Variants in STYX observed in about 807,000 individuals in gnomAD.
The protein encoded by STYX is serine/threonine/tyrosine-interacting protein.
A neutral mutation model predicts 42.7 loss-of-function variants in STYX; 20 were observed. The ratio of observed to expected loss-of-function variants is 0.47; its 90% confidence interval spans 0.33 to 0.68. The LOEUF is 0.68. Among genes scored for constraint, STYX ranks in the 30% least tolerant of loss-of-function variants. The pLI, the probability that STYX is intolerant of heterozygous loss-of-function variation, is 0.02. For missense variants in STYX, 226 were observed against 268.5 expected (o/e 0.84, Z 1.11); for synonymous variants, 78 against 81.9 (o/e 0.95, Z 0.26).
At position 52,730,377 on chromosome 14, in the gene STYX, C is replaced by T; in HGVS notation, c.-98C>T. 7.7e-7 allele frequency: 1 copy of T among 1,299,734 alleles called. No individual in the cohort carries two copies. Among genetic ancestry groups the T allele is most frequent in the East Asian group, 2.5e-5 (1 of 40,704 alleles). 80.5% of individuals were successfully genotyped at this position (1,299,734 alleles called of 1,614,324 possible). A position where few individuals can be genotyped will look rare whatever the true frequency, so the allele number is the denominator to read the frequency against. On this transcript the variant is annotated 5_prime_UTR_variant, in exon 1 of 11. Transcript: ENST00000354586. Reference sequence around the variant, plus strand: ...GCCGCCCTCCTGTCAGCCCTCCGCTCCGCCGGCCCTCCTTCCTTCCGCCGC... The same window carrying T: ...GCCGCCCTCCTGTCAGCCCTCCGCTTCGCCGGCCCTCCTTCCTTCCGCCGC...
At chr14:52,758,763 A>C (rs563642136) in intron 8 of STYX, among the ~76,000 whole-genome samples, 3 of 152,094 alleles carry the variant, frequency 2.0e-5, no homozygotes, top group Admixed American at 2.0e-4. Flanking sequence ...TTTATTAGAG[A>C]TGGGGTTTCA....
chr14:52,737,171 G>A (rs1305363413), intron 1 of STYX, among the ~76,000 whole-genome samples: 2 of 152,092 alleles, frequency 1.3e-5, no homozygotes, highest in African/African-American at 4.8e-5. Flanking sequence ...GTGGATAAGG[G>A]GGGACTACTG....
At chr14:52,757,594 C>G in intron 6 of STYX, 149 bp from the exon 7 acceptor site, 4 of 800,276 alleles carry the variant, frequency 5.0e-6, no homozygotes, top group Non-Finnish European at 8.0e-6. Context: ...CTGCTATATT[C>G]TCTACACAGT....
At chr14:52,762,155 C>T (rs547972978) in intron 9 of STYX, among the ~76,000 whole-genome samples, 21 of 150,616 alleles carry the variant, frequency 1.4e-4, no homozygotes, top group Non-Finnish European at 2.2e-4. Context: ...GCTGGAATTA[C>T]AGGCGTGAGC....
chr14:52,757,347 A>G lies in STYX; in HGVS notation c.332A>G (p.Gln111Arg), dbSNP rs1397131793. The G allele has an allele frequency of 6.8e-6, 11 of 1,606,274 alleles. No homozygotes were observed. The highest frequency in any genetic ancestry group is 9.4e-6 in the Non-Finnish European group (11 of 1,174,946). ...AAGGAATTTATTGATGGGAGCTTAC[A>G]AATGGGAGGTAAATAACATTTCCTT... ...MTKEFIDGSL[Q>R]MGGKVLVHGN... Residue 111 changes from glutamine to arginine, a missense_variant, in exon 6 of 11, where the codon CAA becomes CGA. Physicochemically the swap from Gln to Arg is conservative, Grantham distance 43. Coordinates refer to ENST00000354586, the MANE Select transcript of STYX (RefSeq NM_145251.4).
rs55956526 is a variant in STYX, at chr14:52,759,442, A to G, written c.432-240A>G. Among the ~76,000 whole-genome samples the G allele has an allele frequency of 9.8e-3, 1,491 of 152,292 alleles. 11 individuals carry two copies. Among genetic ancestry groups the G allele is most frequent in the Non-Finnish European group, 0.016 (1,086 of 68,020 alleles). ...GCCACTTTACACTTACCTCCTATTC[A>G]TAGTAGTTCCCCAAGGTAGGTGTTA... On this transcript the variant is annotated intron_variant, in intron 8 of 10. Transcript: ENST00000354586.
intron 6 of STYX, 140 bp downstream of exon 6, chr14:52,757,495 T>A: frequency 1.1e-6 from 1 of 872,422 alleles, no homozygotes. Context: ...ATTTTCCCAA[T>A]TACTTGTTTC....
intron 9 of STYX, among the ~76,000 whole-genome samples, chr14:52,766,327 C>T (rs1005876278): frequency 6.6e-6 from 1 of 152,238 alleles, no homozygotes; most frequent in East Asian, 1.9e-4. Flanking sequence ...CCACCAAACT[C>T]AGCTAATTTT....
intron 4 of STYX, among the ~76,000 whole-genome samples, chr14:52,752,759 T>C (rs375672219): frequency 1.4e-4 from 21 of 151,980 alleles, no homozygotes; most frequent in East Asian, 5.8e-4. Context: ...GCATAGAAAA[T>C]TTCTGGACCA....
Position 52,759,622 on chromosome 14 carries a change from A to G in STYX, c.432-60A>G, listed in dbSNP as rs147933589. The G allele has an allele frequency of 2.3e-4, 271 of 1,170,678 alleles. 4 individuals carry two copies. Among genetic ancestry groups the G allele is most frequent in the East Asian group, 2.0e-3 (83 of 42,042 alleles). The allele number at this position is 1,170,678 out of a possible 1,614,324, so 72.5% of individuals were successfully genotyped here. A position where few individuals can be genotyped will look rare whatever the true frequency, so the allele number is the denominator to read the frequency against. On this transcript the variant is annotated intron_variant, in intron 8 of 10. Coordinates refer to ENST00000354586, the MANE Select transcript of STYX (RefSeq NM_145251.4). ...TTACCCCTCTCTATTGCTAAGTTGTATGATTATGATTAATTCATTAAATAA... is the reference window on the plus strand; with the variant it reads ...TTACCCCTCTCTATTGCTAAGTTGTGTGATTATGATTAATTCATTAAATAA...
intron 9 of STYX, among the ~76,000 whole-genome samples, chr14:52,765,497 G>A (rs764172385): frequency 4.1e-4 from 62 of 152,286 alleles, no homozygotes; most frequent in Non-Finnish European, 5.7e-4. Flanking sequence ...GATTACAGGT[G>A]TGAGCCACCG....
Position 52,744,772 on chromosome 14 carries a change from C to T in STYX, c.58-80C>T, listed in dbSNP as rs58365064. The T allele has an allele frequency of 7.6e-3, 9,926 of 1,313,282 alleles. 339 individuals carry two copies. The highest frequency in any genetic ancestry group is 0.065 in the East Asian group (2,778 of 42,518). 81.4% of individuals were successfully genotyped at this position (1,313,282 alleles called of 1,614,324 possible). A position where few individuals can be genotyped will look rare whatever the true frequency, so the allele number is the denominator to read the frequency against. The stretch of plus-strand genomic sequence containing the variant: ...AATGTAACTTTAAAAAATCTACATA[C>T]TTGTGTGTCACATCTTTAGCCTTTA... On this transcript the variant is annotated intron_variant, in intron 1 of 10. Coordinates refer to ENST00000354586, the MANE Select transcript of STYX (RefSeq NM_145251.4).
In STYX at chr14:52,751,581, C is replaced by T. The variant is rs150564100; in HGVS notation, c.242+801C>T. ...CTCTTCCCTTAGTATCTCTCCAAGACGGAATTGTGAAACATTTTTAATTTC... is the reference window on the plus strand; with the variant it reads ...CTCTTCCCTTAGTATCTCTCCAAGATGGAATTGTGAAACATTTTTAATTTC... On this transcript the variant is annotated intron_variant, in intron 4 of 10. Transcript: ENST00000354586. Among the ~76,000 whole-genome samples, 98 of 152,144 alleles carry T rather than the reference C, an allele frequency of 6.4e-4. 1 individual carries two copies. Among genetic ancestry groups the T allele is most frequent in the African/African-American group, 1.7e-3 (69 of 41,496 alleles).
At chr14:52,752,642 A>G (rs1482570280) in intron 4 of STYX, among the ~76,000 whole-genome samples, 1 of 152,132 alleles carries the variant, frequency 6.6e-6, no homozygotes, top group African/African-American at 2.4e-5. Flanking sequence ...ATGATCTCCA[A>G]GATAATGCAT....
In STYX at chr14:52,730,306, T is replaced by G. The variant is rs1880637976; in HGVS notation, c.-169T>G. 3.1e-6 allele frequency: 2 copies of G among 641,968 alleles called. No individual in the cohort carries two copies. Among genetic ancestry groups the G allele is most frequent in the Non-Finnish European group, 5.5e-6 (2 of 363,762 alleles). 39.8% of individuals were successfully genotyped at this position (641,968 alleles called of 1,614,324 possible). On this transcript the variant is annotated 5_prime_UTR_variant, in exon 1 of 11. Coordinates refer to ENST00000354586, the MANE Select transcript of STYX (RefSeq NM_145251.4). ...TCCCTGTCTTCGCCGCCGCCGCTGC[T>G]GGAGTCACTGGGACCCTGTAGTCTG... is the stretch of plus-strand genomic sequence containing the variant.
At chr14:52,746,606 C>CA in intron 3 of STYX, 127 bp downstream of exon 3, 1 of 722,088 alleles carries the variant, frequency 1.4e-6, no homozygotes. Context: ...CAGTAATTGT[C>CA]ACTCTGGAGT....
chr14:52,740,776 A>C (rs1881156299), intron 1 of STYX, among the ~76,000 whole-genome samples: 2 of 152,060 alleles, frequency 1.3e-5, no homozygotes, highest in Admixed American at 1.3e-4. Flanking sequence ...ATAAAGGTAA[A>C]ATTTATATAG....
At chr14:52,763,944 A>T (rs1882198861) in intron 9 of STYX, among the ~76,000 whole-genome samples, 1 of 152,134 alleles carries the variant, frequency 6.6e-6, no homozygotes, top group Admixed American at 6.6e-5. Flanking sequence ...GGTACATAAA[A>T]ATTCAAGTTA....
intron 1 of STYX, among the ~76,000 whole-genome samples, chr14:52,739,720 C>T (rs1260596604): frequency 7.1e-6 from 1 of 141,086 alleles, no homozygotes; most frequent in African/African-American, 2.6e-5. Flanking sequence ...TGACTCACTG[C>T]AGCCTCGACC....
Sources: allele counts gnomAD v4.1 joint callset (sites outside exome capture counted in the v4.1 genomes callset), GRCh38; gene constraint gnomAD v4.1.1; transcripts MANE v1.5; gene names NCBI Gene and HGNC (gene_info 2026-07-23, HGNC 2026-07-21).